Variants in MTHFD1L observed in about 807,000 individuals in gnomAD.
MTHFD1L encodes monofunctional C1-tetrahydrofolate synthase, mitochondrial.
A neutral mutation model predicts 119.5 loss-of-function variants in MTHFD1L; 81 were observed. The observed-to-expected ratio is 0.68, with a 90% CI of 0.57 to 0.82. The LOEUF (loss-of-function observed/expected upper bound fraction) is 0.82, where lower values mean the gene tolerates loss of function less well. Among genes scored for constraint, MTHFD1L ranks in the 40% least tolerant of loss-of-function variants. MTHFD1L has a pLI of 0.00. For synonymous variants in MTHFD1L, 430 were observed against 475.2 expected (o/e 0.90, Z 1.24); for missense variants, 1,125 against 1,253.4 (o/e 0.90, Z 1.55).
At chr6:150,905,616 C>A in intron 7 of MTHFD1L, 34 bp from the exon 8 acceptor site, 1 of 1,493,008 alleles carries the variant, frequency 6.7e-7, no homozygotes, top group Non-Finnish European at 9.3e-7. Flanking sequence ...TGCCTCAGAT[C>A]AAGATGTGCG....
At position 150,865,877 on chromosome 6, in the gene MTHFD1L, C is replaced by T; in HGVS notation, c.55C>T (p.Pro19Ser). 1 of 1,203,924 alleles carries T rather than the reference C, an allele frequency of 8.3e-7. No individual in the cohort carries two copies. The highest frequency in any genetic ancestry group is 1.0e-6 in the Non-Finnish European group (1 of 972,830). The allele number at this position is 1,203,924 out of a possible 1,614,324, so 74.6% of individuals were successfully genotyped here. A position where few individuals can be genotyped will look rare whatever the true frequency, so the allele number is the denominator to read the frequency against. The change falls in exon 1 of 28, where the codon CCG (proline) becomes TCG (serine). Residue 19 changes from proline to serine, a missense_variant. By Grantham distance (74) the Pro-to-Ser change is moderately conservative. Around this residue, in one of 3 missense-constraint regions of MTHFD1L, gnomAD observed 1,058 missense variants for 1,151.2 expected, o/e 0.92. Coordinates refer to ENST00000367321, the MANE Select transcript of MTHFD1L (RefSeq NM_015440.5). ...LRQLRRPPQP[P>S]GPPRRLRVPC... ...CCAGCTCCGCCGCCCGCCCCAGCCCCCGGGCCCTCCGCGCCGCCTCCGTGT... is the reference window on the plus strand; with the variant it reads ...CCAGCTCCGCCGCCCGCCCCAGCCCTCGGGCCCTCCGCGCCGCCTCCGTGT...
At chr6:150,922,852 C>G (rs968349626) in intron 10 of MTHFD1L, among the ~76,000 whole-genome samples, 1 of 149,500 alleles carries the variant, frequency 6.7e-6, no homozygotes, top group African/African-American at 2.5e-5. Context: ...ACCATTTTGG[C>G]CAGCCGGTCT....
At position 150,903,054 on chromosome 6, in the gene MTHFD1L, T is replaced by A. The variant is rs576626957; in HGVS notation, c.781-2596T>A. On this transcript the variant is annotated intron_variant, in intron 7 of 27. Transcript: ENST00000367321. ...ACTATATATAAATGAAGAAATAAAATTTTTTATACAGATGTTTAAAATCCT... is the reference window on the plus strand; with the variant it reads ...ACTATATATAAATGAAGAAATAAAAATTTTTATACAGATGTTTAAAATCCT... Among the ~76,000 whole-genome samples, 5 of 152,212 alleles carry A rather than the reference T, an allele frequency of 3.3e-5. No individual in the cohort carries two copies. In the East Asian group the frequency reaches 9.6e-4, roughly 29 times the overall value.
chr6:151,096,796 C>G lies in MTHFD1L; in HGVS notation c.*31+4209C>G, dbSNP rs974048607. ...TGGTTGATGACAACTTTCTGTCCTT[C>G]CCTTCCTCACCTTTCTAGCCTGTCT... On this transcript the variant is annotated intron_variant, in intron 27 of 27. Coordinates refer to ENST00000367321, the MANE Select transcript of MTHFD1L (RefSeq NM_015440.5). 2.0e-5 allele frequency among the ~76,000 whole-genome samples: 3 copies of G among 152,298 alleles called. No homozygotes were observed. In the East Asian group the frequency reaches 5.8e-4, roughly 29 times the overall value.
intron 20 of MTHFD1L, among the ~76,000 whole-genome samples, chr6:150,998,834 A>G (rs936950390): frequency 6.6e-6 from 1 of 150,566 alleles, no homozygotes; most frequent in Non-Finnish European, 1.5e-5. Context: ...AAAAAAAAAA[A>G]AAAACATTAG....
chr6:151,069,873 C>G (rs1185027361), intron 26 of MTHFD1L, among the ~76,000 whole-genome samples: 2 of 152,220 alleles, frequency 1.3e-5, no homozygotes, highest in African/African-American at 4.8e-5. Flanking sequence ...AGACACCGAA[C>G]ATGCCATAGA....
At chr6:151,043,212 A>G (rs1419172506) in intron 26 of MTHFD1L, among the ~76,000 whole-genome samples, 2 of 141,886 alleles carry the variant, frequency 1.4e-5, no homozygotes, top group African/African-American at 2.6e-5. Flanking sequence ...CTGTGTTGGG[A>G]GTTGGAGAGG....
At chr6:150,894,458 A>C (rs803422) in intron 7 of MTHFD1L, among the ~76,000 whole-genome samples, 1 of 151,964 alleles carries the variant, frequency 6.6e-6, no homozygotes, top group African/African-American at 2.4e-5. Context: ...GTTCCAGAGA[A>C]AGGAGGGACT....
intron 26 of MTHFD1L, among the ~76,000 whole-genome samples, chr6:151,057,761 G>A (rs1790154147): frequency 6.6e-6 from 1 of 152,080 alleles, no homozygotes; most frequent in Admixed American, 6.5e-5. Context: ...TTACCTTCGA[G>A]GAGAGCCGTA....
chr6:151,040,198 G>A (rs978115669), intron 26 of MTHFD1L, among the ~76,000 whole-genome samples: 2 of 152,156 alleles, frequency 1.3e-5, no homozygotes, highest in Non-Finnish European at 1.5e-5. Context: ...TCTAAACCCC[G>A]CAGTAGTTCA....
At chr6:150,879,790 C>T (rs1427759842) in intron 4 of MTHFD1L, among the ~76,000 whole-genome samples, 1 of 151,898 alleles carries the variant, frequency 6.6e-6, no homozygotes, top group Non-Finnish European at 1.5e-5. Context: ...CCATTATGCC[C>T]AGCTAATTTT....
At chr6:151,093,550 G>A (rs1004576192) in intron 27 of MTHFD1L, among the ~76,000 whole-genome samples, 1 of 152,110 alleles carries the variant, frequency 6.6e-6, no homozygotes, top group Non-Finnish European at 1.5e-5. Context: ...CCAGCTACTC[G>A]GGAGGCTGAG....
intron 26 of MTHFD1L, among the ~76,000 whole-genome samples, chr6:151,061,504 A>G (rs1790634509): frequency 6.6e-6 from 1 of 152,210 alleles, no homozygotes; most frequent in Non-Finnish European, 1.5e-5. Context: ...CAGTTAGAGG[A>G]TAGTTGAAAC....
chr6:151,059,328 C>T (rs148490421), intron 26 of MTHFD1L, among the ~76,000 whole-genome samples: 343 of 152,056 alleles, frequency 2.3e-3, no homozygotes, highest in African/African-American at 8.1e-3. Context: ...TTCCTGCCTG[C>T]GCCACCACGC....
chr6:151,033,803 G>C (rs913377884), intron 24 of MTHFD1L, among the ~76,000 whole-genome samples: 1 of 152,032 alleles, frequency 6.6e-6, no homozygotes, highest in African/African-American at 2.4e-5. Flanking sequence ...CTATGAACCC[G>C]TATTCAGACC....
intron 27 of MTHFD1L, among the ~76,000 whole-genome samples, chr6:151,093,573 TTGAA>T (rs1248174210): frequency 6.6e-6 from 1 of 152,110 alleles, no homozygotes; most frequent in Non-Finnish European, 1.5e-5. Flanking sequence ...AGAGAATTGC[TTGAA>T]CCCGGGAGGC....
At chr6:150,927,916 G>T (rs567951700) in intron 11 of MTHFD1L, among the ~76,000 whole-genome samples, 15 of 152,090 alleles carry the variant, frequency 9.9e-5, no homozygotes, top group Admixed American at 3.9e-4. Context: ...TTGTCCAAGT[G>T]CACTGATGCA....
At chr6:151,015,794 A>G (rs1247678546) in intron 24 of MTHFD1L, 101 bp downstream of exon 24, 1 of 1,396,012 alleles carries the variant, frequency 7.2e-7, no homozygotes, top group African/African-American at 1.4e-5. Flanking sequence ...AACTAAAGAT[A>G]GAAGAGTTTA....
chr6:150,885,581 T>G, intron 5 of MTHFD1L, 53 bp from the exon 6 acceptor site: 2 of 1,359,620 alleles, frequency 1.5e-6, no homozygotes, highest in Non-Finnish European at 2.1e-6. Flanking sequence ...TACACGTGAG[T>G]GATTTTTTTG....
Sources: allele counts gnomAD v4.1 joint callset (sites outside exome capture counted in the v4.1 genomes callset), GRCh38; gene constraint gnomAD v4.1.1; regional missense constraint gnomAD v4.1.1; transcripts MANE v1.5; gene names NCBI Gene and HGNC (gene_info 2026-07-23, HGNC 2026-07-21).